The following ADAMTSL1 variants were observed in gnomAD, a reference collection of about 807,000 sequenced individuals.
The protein encoded by ADAMTSL1 is ADAMTS like 1.
In ADAMTSL1, 126 loss-of-function variants were observed where a neutral mutation model predicts 201.8. The ratio of observed to expected loss-of-function variants is 0.62; its 90% CI spans 0.54 to 0.72. The LOEUF (loss-of-function observed/expected upper bound fraction) is 0.72. Ranked by LOEUF, ADAMTSL1 falls within the 30% of genes least tolerant of loss-of-function variation. The pLI is 0.00. For missense variants in ADAMTSL1, 2,679 were observed against 2,277.8 expected (o/e 1.18, Z -3.59); for synonymous variants, 1,121 against 903.4 (o/e 1.24, Z -4.32).
At chr9:18,387,945 G>A (rs1379005140) in intron 2 of ADAMTSL1, among the ~76,000 whole-genome samples, 2 of 128,742 alleles carry the variant, frequency 1.6e-5, no homozygotes, top group African/African-American at 5.0e-5. Context: ...TTTTGAGGCT[G>A]CATTGTTAGG....
chr9:18,356,735 A>T (rs1563909282), intron 2 of ADAMTSL1, among the ~76,000 whole-genome samples: 1 of 152,126 alleles, frequency 6.6e-6, no homozygotes, highest in African/African-American at 2.4e-5. Flanking sequence ...GAAAAGCTCC[A>T]TGATCAGAGA....
chr9:18,761,828 A>G (rs1275748063), intron 16 of ADAMTSL1, among the ~76,000 whole-genome samples: 1 of 152,192 alleles, frequency 6.6e-6, no homozygotes, highest in Non-Finnish European at 1.5e-5. Flanking sequence ...GAGAACACAG[A>G]CAAGATAAGC....
intron 2 of ADAMTSL1, among the ~76,000 whole-genome samples, chr9:18,197,897 T>A (rs1364790727): frequency 1.3e-5 from 2 of 151,976 alleles, no homozygotes; most frequent in Non-Finnish European, 2.9e-5. Context: ...ATGGTACTGG[T>A]ACCAAAACAG....
intron 2 of ADAMTSL1, among the ~76,000 whole-genome samples, chr9:18,176,001 G>A (rs1435514654): frequency 9.5e-6 from 1 of 105,382 alleles, no homozygotes; most frequent in Non-Finnish European, 1.9e-5. Context: ...CTAAGAAGAG[G>A]GAAAGCAAAA....
At chr9:18,095,915 T>C (rs960251138) in intron 1 of ADAMTSL1, among the ~76,000 whole-genome samples, 40 of 152,330 alleles carry the variant, frequency 2.6e-4, no homozygotes, top group African/African-American at 9.1e-4. Context: ...CTAAGCCTCC[T>C]GAATGGGAAA....
At chr9:18,144,445 A>G (rs138262858) in intron 1 of ADAMTSL1, among the ~76,000 whole-genome samples, 2,349 of 152,022 alleles carry the variant, frequency 0.015, 57 homozygotes, top group African/African-American at 0.053. Context: ...ACCTCAGGTG[A>G]TCCTCCCTCC....
chr9:18,150,272 G>A (rs536848733), intron 1 of ADAMTSL1, among the ~76,000 whole-genome samples: 1 of 152,122 alleles, frequency 6.6e-6, no homozygotes, highest in South Asian at 2.1e-4. Context: ...AGGATGGGCA[G>A]GGGAATACCA....
At chr9:18,324,289 A>G (rs1057026546) in intron 2 of ADAMTSL1, among the ~76,000 whole-genome samples, 2 of 152,186 alleles carry the variant, frequency 1.3e-5, no homozygotes, top group African/African-American at 2.4e-5. Context: ...ACTACTTCAC[A>G]CTCACACAAA....
intron 8 of ADAMTSL1, among the ~76,000 whole-genome samples, chr9:18,660,839 A>G (rs1279262642): frequency 6.6e-6 from 1 of 152,120 alleles, no homozygotes; most frequent in Non-Finnish European, 1.5e-5. Flanking sequence ...ATGAACAATT[A>G]ATTTCTGTGG....
At chr9:17,971,091 T>A (rs1755278) in intron 1 of ADAMTSL1, among the ~76,000 whole-genome samples, 71,984 of 151,906 alleles carry the variant, frequency 0.47, 19,229 homozygotes, top group East Asian at 0.92. Context: ...ATGGCAAAAC[T>A]GATTTCTGAA....
At chr9:18,178,332 G>A (rs1266146198) in intron 2 of ADAMTSL1, among the ~76,000 whole-genome samples, 3 of 152,308 alleles carry the variant, frequency 2.0e-5, no homozygotes, top group African/African-American at 7.2e-5. Flanking sequence ...CTTAAAAAAC[G>A]GCGCACCAGG....
At position 17,913,231 on chromosome 9, in the gene ADAMTSL1, A is replaced by G. The variant is rs562955393; in HGVS notation, c.87+6309A>G. 3.3e-5 allele frequency among the ~76,000 whole-genome samples: 5 copies of G among 152,298 alleles called. 1 individual carries two copies. Among genetic ancestry groups the G allele is most frequent in the African/African-American group, 1.2e-4 (5 of 41,564 alleles). On this transcript the variant is annotated intron_variant, in intron 1 of 29. Transcript: ENST00000680146. ...AAAGTAGTTTTTTCCAATTCTGTGA[A>G]GAAAGTCCTTGGTAGCTTGATGGGG...
At chr9:18,356,994 C>T (rs566153388) in intron 2 of ADAMTSL1, among the ~76,000 whole-genome samples, 1 of 152,206 alleles carries the variant, frequency 6.6e-6, no homozygotes, top group East Asian at 1.9e-4. Flanking sequence ...ACATGGAATC[C>T]TTTGAATACG....
chr9:18,147,209 A>C (rs1298297348), intron 1 of ADAMTSL1, among the ~76,000 whole-genome samples: 4 of 152,090 alleles, frequency 2.6e-5, no homozygotes, highest in Non-Finnish European at 4.4e-5. Context: ...CATTTTGCTG[A>C]TTTGTGAGGA....
At chr9:17,996,346 G>A (rs565941821) in intron 1 of ADAMTSL1, among the ~76,000 whole-genome samples, 1 of 151,968 alleles carries the variant, frequency 6.6e-6, no homozygotes, top group Non-Finnish European at 1.5e-5. Flanking sequence ...ACACAAACCT[G>A]GATGTTAGAG....
At position 18,890,729 on chromosome 9, in the gene ADAMTSL1, C is replaced by A. The variant is rs75980004; in HGVS notation, c.4643+981C>A. 41 of 356,204 alleles carry A rather than the reference C, an allele frequency of 1.2e-4. 1 individual carries two copies. The highest frequency in any genetic ancestry group is 5.6e-4 in the East Asian group (7 of 12,398). 22.1% of individuals were successfully genotyped at this position (356,204 alleles called of 1,614,324 possible). A position where few individuals can be genotyped will look rare whatever the true frequency, so the allele number is the denominator to read the frequency against. ...GCCCGCTCCTTTCTCAAACCCCCCC[C>A]ACCCCAGCTCCTGAAAAATTGCTGA... On this transcript the variant is annotated intron_variant, in intron 25 of 28. Coordinates refer to ENST00000380548, the MANE Select transcript of ADAMTSL1 (RefSeq NM_001040272.6).
At chr9:18,145,270 T>TA (rs1564025178) in intron 1 of ADAMTSL1, among the ~76,000 whole-genome samples, 1 of 152,212 alleles carries the variant, frequency 6.6e-6, no homozygotes, top group East Asian at 1.9e-4. Flanking sequence ...TATTCAATGT[T>TA]ATGCACAATT....
At chr9:18,706,023 G>A (rs1263379910) in intron 13 of ADAMTSL1, among the ~76,000 whole-genome samples, 1 of 152,206 alleles carries the variant, frequency 6.6e-6, no homozygotes, top group African/African-American at 2.4e-5. Context: ...GTTTATTAAA[G>A]TAAAGGAATA....
At chr9:18,155,559 G>A (rs76607523) in intron 1 of ADAMTSL1, among the ~76,000 whole-genome samples, 4,844 of 152,002 alleles carry the variant, frequency 0.032, 114 homozygotes, top group Non-Finnish European at 0.053. Flanking sequence ...GAGATATTAT[G>A]TCATTTTTTT....
Sources: gnomAD v4.1 joint callset for allele counts (sites outside exome capture counted in the v4.1 genomes callset) on GRCh38, gnomAD v4.1.1 for gene constraint, MANE v1.5 for transcripts, NCBI Gene and HGNC (gene_info 2026-07-23, HGNC 2026-07-21) for gene names.